The following HECW2 variants were observed in gnomAD, a reference collection of about 807,000 sequenced individuals.
HECW2 encodes E3 ubiquitin-protein ligase HECW2.
Under a neutral mutation model 175.2 loss-of-function variants are expected in HECW2, and 61 were observed. That is an observed-to-expected ratio of 0.35 (90% CI 0.28 to 0.43). The LOEUF (loss-of-function observed/expected upper bound fraction) is 0.43. HECW2 is among the 20% of genes least tolerant of loss of function. HECW2 has a pLI of 1.00. For missense variants in HECW2, 1,524 were observed against 2,000.5 expected, an observed-to-expected ratio of 0.76 and a Z score of 4.54; for synonymous variants, 671 against 731.0, an observed-to-expected ratio of 0.92 and a Z score of 1.32.
At chr2:196,587,659 G>A (rs1691033157) in intron 1 of HECW2, among the ~76,000 whole-genome samples, 1 of 152,176 alleles carries the variant, frequency 6.6e-6, no homozygotes, top group Non-Finnish European at 1.5e-5. Context: ...TAAAAAATAA[G>A]TAAATGATAT....
rs560670037 is a variant in HECW2, at chr2:196,472,336, T to C, written c.-35-38878A>G. Among the ~76,000 whole-genome samples the C allele has an allele frequency of 3.1e-4, 47 of 150,166 alleles. 1 individual carries two copies. The South Asian group carries it at 4.0e-3, about 13-fold the overall frequency. On this transcript the variant is annotated intron_variant, in intron 1 of 28. Transcript: ENST00000644978. ...CTGTCTCTACTAAAAATACAAAAAT[T>C]TGGGGGTGGTCAGGGGCGGGGGGCG...
At chr2:196,257,498 G>A (rs930763478) in intron 18 of HECW2, among the ~76,000 whole-genome samples, 1 of 152,078 alleles carries the variant, frequency 6.6e-6, no homozygotes, top group Admixed American at 6.5e-5. Context: ...AACACTGAGG[G>A]GTAAACGGTG....
At chr2:196,296,697 G>C (rs868007055) in intron 13 of HECW2, among the ~76,000 whole-genome samples, 1 of 152,170 alleles carries the variant, frequency 6.6e-6, no homozygotes, top group African/African-American at 2.4e-5. Flanking sequence ...GAGGTGGAAG[G>C]AAGAGATTCA....
intron 2 of HECW2, among the ~76,000 whole-genome samples, chr2:196,366,152 T>C (rs921896191): frequency 2.6e-5 from 4 of 152,160 alleles, no homozygotes; most frequent in Admixed American, 2.6e-4. Flanking sequence ...TTCCAGGAAC[T>C]TGATCAAGGG....
intron 1 of HECW2, among the ~76,000 whole-genome samples, chr2:196,486,467 A>G (rs182915112): frequency 6.6e-5 from 10 of 152,274 alleles, no homozygotes; most frequent in East Asian, 1.9e-4. Flanking sequence ...GAGAAAAACT[A>G]TGATTCTGGA....
intron 1 of HECW2, among the ~76,000 whole-genome samples, chr2:196,557,429 G>A (rs1328865994): frequency 1.3e-5 from 2 of 151,894 alleles, no homozygotes; most frequent in Admixed American, 6.6e-5. Flanking sequence ...CCCAGTGTCA[G>A]AAGGAGTAAG....
At chr2:196,324,954 T>C (rs1553500880) in intron 6 of HECW2, 26 bp downstream of exon 6, 3 of 1,528,120 alleles carry the variant, frequency 2.0e-6, no homozygotes, top group South Asian at 1.3e-5. Flanking sequence ...CACCATCAAG[T>C]AGGAGACCCC....
intron 2 of HECW2, among the ~76,000 whole-genome samples, chr2:196,417,090 A>G (rs1695275613): frequency 6.6e-6 from 1 of 152,266 alleles, no homozygotes; most frequent in East Asian, 1.9e-4. Context: ...AATCCATCTA[A>G]GCCTTCGGCT....
intron 2 of HECW2, among the ~76,000 whole-genome samples, chr2:196,390,492 G>T (rs1470713753): frequency 2.0e-5 from 3 of 152,156 alleles, no homozygotes; most frequent in Non-Finnish European, 4.4e-5. Flanking sequence ...GTCGCTGCAT[G>T]GAAAACTAAA....
At chr2:196,549,944 T>C (rs539509632) in intron 1 of HECW2, among the ~76,000 whole-genome samples, 1 of 152,310 alleles carries the variant, frequency 6.6e-6, no homozygotes, top group East Asian at 1.9e-4. Flanking sequence ...GAGGGCATGA[T>C]TCAGTGGTTG....
At chr2:196,332,388 T>A (rs1692398800) in intron 4 of HECW2, among the ~76,000 whole-genome samples, 1 of 152,170 alleles carries the variant, frequency 6.6e-6, no homozygotes, top group Admixed American at 6.5e-5. Flanking sequence ...GCCTTTCAAT[T>A]TTGGACATAG....
At chr2:196,568,556 C>T (rs1195438471) in intron 1 of HECW2, among the ~76,000 whole-genome samples, 1 of 152,154 alleles carries the variant, frequency 6.6e-6, no homozygotes, top group Non-Finnish European at 1.5e-5. Context: ...TGGACTTAAC[C>T]ATGGTTTGAC....
intron 2 of HECW2, among the ~76,000 whole-genome samples, chr2:196,418,513 G>A (rs920771126): frequency 1.3e-5 from 2 of 152,010 alleles, no homozygotes; most frequent in African/African-American, 4.8e-5. Context: ...AAATATACTG[G>A]TACATATTTC....
At chr2:196,361,739 T>A (rs546441288) in intron 2 of HECW2, 1 of 951,978 alleles carries the variant, frequency 1.1e-6, no homozygotes, top group South Asian at 4.8e-5. Flanking sequence ...GAGAAAACTG[T>A]AAATCCCAAA....
chr2:196,538,249 A>G (rs1366403892), intron 1 of HECW2, among the ~76,000 whole-genome samples: 2 of 152,236 alleles, frequency 1.3e-5, no homozygotes, highest in South Asian at 2.1e-4. Context: ...TGATAAAGGA[A>G]CCAGTGGCTG....
At position 196,430,586 on chromosome 2, in the gene HECW2, G is replaced by T. The variant is rs559759225; in HGVS notation, c.292+2546C>A. 2.0e-5 allele frequency among the ~76,000 whole-genome samples: 3 copies of T among 152,120 alleles called. No individual in the cohort carries two copies. In the South Asian group the frequency reaches 6.2e-4, roughly 32 times the overall value. ...ACACAAGAAATCTCATAAGAGAAATGAAAACTAGAAAAAGAGAAATGCATA... is the reference window on the plus strand; with the variant it reads ...ACACAAGAAATCTCATAAGAGAAATTAAAACTAGAAAAAGAGAAATGCATA... On this transcript the variant is annotated intron_variant, in intron 2 of 28. Coordinates refer to ENST00000644978, the MANE Select transcript of HECW2 (RefSeq NM_001348768.2).
intron 28 of HECW2, among the ~76,000 whole-genome samples, chr2:196,203,797 C>A (rs868291159): frequency 6.6e-6 from 1 of 152,172 alleles, no homozygotes; most frequent in Non-Finnish European, 1.5e-5. Context: ...TTGCAACCAT[C>A]ATCACTATCC....
chr2:196,275,503 C>T (rs944755924), intron 15 of HECW2, among the ~76,000 whole-genome samples: 1 of 152,092 alleles, frequency 6.6e-6, no homozygotes, highest in African/African-American at 2.4e-5. Context: ...CCTATAATCC[C>T]AGCACTTTGG....
chr2:196,340,519 C>A (rs1692708486), intron 3 of HECW2, among the ~76,000 whole-genome samples: 1 of 148,122 alleles, frequency 6.8e-6, no homozygotes, highest in Non-Finnish European at 1.5e-5. Flanking sequence ...TCGCTTGAAC[C>A]CAGGAGGTGG....
Sources: gnomAD v4.1 joint callset for allele counts (sites outside exome capture counted in the v4.1 genomes callset) on GRCh38, gnomAD v4.1.1 for gene constraint, MANE v1.5 for transcripts, NCBI Gene and HGNC (gene_info 2026-07-23, HGNC 2026-07-21) for gene names.